The following ELOVL7 variants were observed in gnomAD, a reference collection of about 807,000 sequenced individuals.
The protein encoded by ELOVL7 is ELOVL fatty acid elongase 7.
In ELOVL7, 27 loss-of-function variants were observed where a neutral mutation model predicts 35.7. The ratio of observed to expected loss-of-function variants is 0.76; its 90% CI spans 0.56 to 1.04. The LOEUF is 1.04. Among genes scored for constraint, ELOVL7 ranks in the 50% least tolerant of loss-of-function variants. ELOVL7 has a pLI of 0.00. For missense variants in ELOVL7, 327 were observed against 340.8 expected (o/e 0.96, Z 0.32); for synonymous variants, 113 against 114.6 (o/e 0.99, Z 0.09).
chr5:60,817,038 G>T (rs1398190722), intron 1 of ELOVL7, among the ~76,000 whole-genome samples: 1 of 151,992 alleles, frequency 6.6e-6, no homozygotes, highest in Non-Finnish European at 1.5e-5. Flanking sequence ...TATAATACTG[G>T]AATGAGGCAG....
chr5:60,783,304 T>A (rs1280938002), intron 3 of ELOVL7, among the ~76,000 whole-genome samples: 4 of 152,208 alleles, frequency 2.6e-5, no homozygotes, highest in Non-Finnish European at 5.9e-5. Flanking sequence ...CTTCCTCTGA[T>A]AAAATTAGCT....
intron 1 of ELOVL7, among the ~76,000 whole-genome samples, chr5:60,838,230 G>A (rs1746946932): frequency 6.6e-6 from 1 of 152,098 alleles, no homozygotes; most frequent in South Asian, 2.1e-4. Flanking sequence ...TTACTTTAAA[G>A]TATCTGCATC....
rs886175780 is a variant in ELOVL7 at position 60,758,594 on chromosome 5, G to A, written c.500-949C>T. On this transcript the variant is annotated intron_variant, in intron 7 of 8. Transcript: ENST00000508821. ...ATTTTGGTTTTCTTCTTCTCATTTC[G>A]CCACATTTCCTACCCATCACCTTCA... 4.6e-5 allele frequency among the ~76,000 whole-genome samples: 7 copies of A among 151,782 alleles called. No homozygotes were observed. The South Asian group carries it at 6.3e-4, about 14-fold the overall frequency.
At position 60,832,928 on chromosome 5, in the gene ELOVL7, G is replaced by C. The variant is rs759681057; in HGVS notation, c.-86+11232C>G. Among the ~76,000 whole-genome samples the C allele has an allele frequency of 2.0e-4, 31 of 152,338 alleles. 2 individuals are homozygous for C. Among genetic ancestry groups the C allele is most frequent in the Middle Eastern group, 3.4e-3 (1 of 294 alleles). ...CTTTGACACCTTTACTCATAGTTCA[G>C]GGTTAGGTTTTATAATACATGGGCC... is the stretch of plus-strand genomic sequence containing the variant. On this transcript the variant is annotated intron_variant, in intron 1 of 8. Coordinates refer to ENST00000508821, the MANE Select transcript of ELOVL7 (RefSeq NM_024930.3).
chr5:60,773,485 A>C (rs1742723036), intron 3 of ELOVL7, among the ~76,000 whole-genome samples: 1 of 152,160 alleles, frequency 6.6e-6, no homozygotes, highest in East Asian at 1.9e-4. Context: ...ACATTTGACT[A>C]TCAGATGTGC....
At chr5:60,831,675 G>A (rs930581502) in intron 1 of ELOVL7, among the ~76,000 whole-genome samples, 1 of 152,106 alleles carries the variant, frequency 6.6e-6, no homozygotes. Context: ...TAGCAAAACT[G>A]TTAAAGTATT....
chr5:60,765,917 A>G (rs1742207832), intron 6 of ELOVL7, among the ~76,000 whole-genome samples: 1 of 152,220 alleles, frequency 6.6e-6, no homozygotes, highest in Non-Finnish European at 1.5e-5. Flanking sequence ...ACAAATATTC[A>G]GCTTTCCTAA....
chr5:60,820,254 T>A (rs1313612936), intron 1 of ELOVL7, among the ~76,000 whole-genome samples: 1 of 152,168 alleles, frequency 6.6e-6, no homozygotes, highest in African/African-American at 2.4e-5. Flanking sequence ...AAATGGAGCC[T>A]CCTAATAAGA....
intron 2 of ELOVL7, among the ~76,000 whole-genome samples, chr5:60,790,851 G>A (rs1743894363): frequency 6.6e-6 from 1 of 151,970 alleles, no homozygotes; most frequent in African/African-American, 2.4e-5. Flanking sequence ...GAGTTGTTTT[G>A]AGAACCATAT....
At chr5:60,785,478 C>T (rs1743520012) in intron 3 of ELOVL7, among the ~76,000 whole-genome samples, 1 of 152,126 alleles carries the variant, frequency 6.6e-6, no homozygotes, top group South Asian at 2.1e-4. Context: ...CTCTTGGATT[C>T]TTGTATCTGG....
rs1288996977 is a variant in ELOVL7 at position 60,758,010 on chromosome 5, C to T, written c.500-365G>A. 1.8e-4 allele frequency among the ~76,000 whole-genome samples: 27 copies of T among 152,166 alleles called. No individual in the cohort carries two copies. The East Asian group carries it at 5.2e-3, about 29-fold the overall frequency. On this transcript the variant is annotated intron_variant, in intron 7 of 8. Transcript: ENST00000508821. ...TAACATATAAAAAGTATACAAAGTA[C>T]ATTAATCTTAACTTGATGATTTTTC...
rs1487394140 is a variant in ELOVL7 at position 60,757,489 on chromosome 5, A to G, written c.636+20T>C. 6.2e-7 allele frequency: 1 copy of G among 1,611,572 alleles called. No individual in the cohort carries two copies. The highest frequency in any genetic ancestry group is 1.7e-5 in the Admixed American group (1 of 59,956). ...CTCTAGCTGCTTCATATATGGTTTT[A>G]AAGACAATTAATTACTCACAAGCTG... On this transcript the variant is annotated intron_variant, in intron 8 of 8. Coordinates refer to ENST00000508821, the MANE Select transcript of ELOVL7 (RefSeq NM_024930.3).
intron 1 of ELOVL7, among the ~76,000 whole-genome samples, chr5:60,805,743 C>T (rs1323950532): frequency 6.6e-6 from 1 of 152,184 alleles, no homozygotes; most frequent in Non-Finnish European, 1.5e-5. Context: ...AGGTGTGCCA[C>T]TAAGGTATCC....
chr5:60,807,242 T>C (rs1351584080), intron 1 of ELOVL7, among the ~76,000 whole-genome samples: 1 of 151,802 alleles, frequency 6.6e-6, no homozygotes, highest in African/African-American at 2.4e-5. Context: ...GGTGAACAGA[T>C]AAAAATGCCT....
intron 3 of ELOVL7, among the ~76,000 whole-genome samples, chr5:60,773,255 T>C (rs1471553729): frequency 6.6e-6 from 1 of 152,218 alleles, no homozygotes; most frequent in South Asian, 2.1e-4. Context: ...CTCAAAATTA[T>C]GCCATGACTA....
chr5:60,761,943 A>G (rs368467770), intron 7 of ELOVL7, among the ~76,000 whole-genome samples: 2 of 152,068 alleles, frequency 1.3e-5, no homozygotes, highest in Non-Finnish European at 2.9e-5. Flanking sequence ...CTTCTGTAAG[A>G]TCGAAGGGGG....
At chr5:60,818,698 T>C (rs1745681895) in intron 1 of ELOVL7, among the ~76,000 whole-genome samples, 1 of 151,968 alleles carries the variant, frequency 6.6e-6, no homozygotes, top group African/African-American at 2.4e-5. Context: ...AACCTATCAG[T>C]AGACAGCATG....
At chr5:60,766,471 C>A in intron 6 of ELOVL7, 103 bp downstream of exon 6, 1 of 969,774 alleles carries the variant, frequency 1.0e-6, no homozygotes, top group South Asian at 1.9e-5. Flanking sequence ...AGTTATCAGA[C>A]AACTGAAACT....
chr5:60,817,816 G>A (rs1281870244), intron 1 of ELOVL7, among the ~76,000 whole-genome samples: 1 of 142,910 alleles, frequency 7.0e-6, no homozygotes, highest in Non-Finnish European at 1.5e-5. Flanking sequence ...ATATATATGT[G>A]TGTGTGTATA....
Sources: allele counts gnomAD v4.1 joint callset (sites outside exome capture counted in the v4.1 genomes callset), GRCh38; gene constraint gnomAD v4.1.1; transcripts MANE v1.5; gene names NCBI Gene and HGNC (gene_info 2026-07-23, HGNC 2026-07-21).